Variants in CDH18 observed in about 807,000 individuals in gnomAD.
CDH18 encodes the protein cadherin-18.
A neutral mutation model predicts 67.9 loss-of-function variants in CDH18; 31 were observed. The ratio of observed to expected loss-of-function variants is 0.46; its 90% CI spans 0.34 to 0.62. CDH18 has a LOEUF of 0.62. CDH18 is among the 20% of genes least tolerant of loss of function. The pLI, the probability that CDH18 is intolerant of heterozygous loss-of-function variation, is 0.01. For missense variants in CDH18, 890 were observed against 975.5 expected (o/e 0.91, Z 1.17); for synonymous variants, 362 against 347.2 (o/e 1.04, Z -0.48).
chr5:19,702,920 G>T (rs749625961), intron 5 of CDH18, among the ~76,000 whole-genome samples: 1 of 152,170 alleles, frequency 6.6e-6, no homozygotes, highest in African/African-American at 2.4e-5. Flanking sequence ...TAGCATGAGC[G>T]ATCTGTGCCT....
intron 12 of CDH18, among the ~76,000 whole-genome samples, chr5:19,479,914 C>T (rs1193582529): frequency 1.3e-5 from 2 of 152,018 alleles, no homozygotes; most frequent in South Asian, 2.1e-4. Flanking sequence ...CTATTACTTA[C>T]CCCAAATGAG....
intron 2 of CDH18, among the ~76,000 whole-genome samples, chr5:20,017,799 C>G (rs1024047790): frequency 6.6e-6 from 1 of 152,148 alleles, no homozygotes; most frequent in Non-Finnish European, 1.5e-5. Context: ...TGGATGAAAA[C>G]TTTTCTCTTA....
rs11956496 is a variant in CDH18, at chr5:20,465,537, G to A, written c.-580+109925C>T. Among the ~76,000 whole-genome samples, 489 of 152,068 alleles carry A rather than the reference G, an allele frequency of 3.2e-3. 2 individuals are homozygous for A. Among genetic ancestry groups the A allele is most frequent in the African/African-American group, 0.011 (470 of 41,518 alleles). Reference sequence around the variant, plus strand: ...ATCAAGGTATATTTAAAATTTGTATGTTAAATAACACATATCTGAAATACA... The same window carrying A: ...ATCAAGGTATATTTAAAATTTGTATATTAAATAACACATATCTGAAATACA... On this transcript the variant is annotated intron_variant, in intron 1 of 14. Coordinates refer to the CDH18 transcript ENST00000507958.
At chr5:20,110,706 C>T (rs1392950588) in intron 2 of CDH18, among the ~76,000 whole-genome samples, 1 of 152,010 alleles carries the variant, frequency 6.6e-6, no homozygotes, top group East Asian at 1.9e-4. Flanking sequence ...TGTCAATGAC[C>T]CTTAGTGATT....
chr5:20,425,950 A>C (rs960332438), intron 1 of CDH18, among the ~76,000 whole-genome samples: 5 of 151,226 alleles, frequency 3.3e-5, no homozygotes, highest in African/African-American at 1.2e-4. Flanking sequence ...TTTCTTGTGA[A>C]TAGACTCTAT....
At chr5:20,407,966 A>G (rs1193882180) in intron 1 of CDH18, among the ~76,000 whole-genome samples, 1 of 152,056 alleles carries the variant, frequency 6.6e-6, no homozygotes, top group African/African-American at 2.4e-5. Context: ...TGGCACATCA[A>G]TTAAAGTATC....
intron 1 of CDH18, among the ~76,000 whole-genome samples, chr5:20,321,021 A>T (rs185919524): frequency 1.3e-5 from 2 of 151,940 alleles, no homozygotes; most frequent in East Asian, 3.9e-4. Flanking sequence ...GGAAGTCTCC[A>T]CTTGTATCCT....
intron 2 of CDH18, among the ~76,000 whole-genome samples, chr5:20,096,300 T>C (rs1003261881): frequency 4.6e-5 from 7 of 152,156 alleles, no homozygotes; most frequent in African/African-American, 7.2e-5. Context: ...AGAAACTAAT[T>C]GCCAATTCAT....
intron 10 of CDH18, among the ~76,000 whole-genome samples, chr5:19,512,404 T>C (rs1745268293): frequency 6.6e-6 from 1 of 152,184 alleles, no homozygotes; most frequent in East Asian, 1.9e-4. Flanking sequence ...TTTAGATCTC[T>C]GAGTAATCTA....
chr5:20,001,569 T>C (rs1173976684), intron 2 of CDH18, among the ~76,000 whole-genome samples: 2 of 152,188 alleles, frequency 1.3e-5, no homozygotes, highest in African/African-American at 4.8e-5. Flanking sequence ...ATAAATTCCA[T>C]ATTGCCAGGG....
At chr5:20,389,268 A>C (rs1744604525) in intron 1 of CDH18, among the ~76,000 whole-genome samples, 1 of 152,154 alleles carries the variant, frequency 6.6e-6, no homozygotes, top group South Asian at 2.1e-4. Flanking sequence ...CAGGATAGTT[A>C]GCTCTTCTTG....
In CDH18 at chr5:20,437,470, T is replaced by C. The variant is rs766849720; in HGVS notation, c.-580+137992A>G. On this transcript the variant is annotated intron_variant, in intron 1 of 14. Coordinates refer to the CDH18 transcript ENST00000507958. ...ATGCCTAGAGTAATTAATGTTCTTA[T>C]GCATTGGTAAGGTGACTTTGTACTT... 4.9e-4 allele frequency among the ~76,000 whole-genome samples: 74 copies of C among 151,582 alleles called. 3 individuals carry two copies. The highest frequency in any genetic ancestry group is 1.1e-3 in the Admixed American group (16 of 15,206).
At chr5:20,267,657 T>C (rs1745140923) in intron 1 of CDH18, among the ~76,000 whole-genome samples, 1 of 152,196 alleles carries the variant, frequency 6.6e-6, no homozygotes, top group Admixed American at 6.6e-5. Context: ...TTTTGTTTTG[T>C]AGCTATCGTA....
chr5:19,652,401 A>G (rs1311374550), intron 5 of CDH18, among the ~76,000 whole-genome samples: 1 of 152,166 alleles, frequency 6.6e-6, no homozygotes, highest in Non-Finnish European at 1.5e-5. Flanking sequence ...CTCGATTTCA[A>G]AGGAAAAACA....
At chr5:19,636,103 TTA>T (rs1753109801) in intron 5 of CDH18, among the ~76,000 whole-genome samples, 1 of 152,150 alleles carries the variant, frequency 6.6e-6, no homozygotes, top group Non-Finnish European at 1.5e-5. Flanking sequence ...CCCCTGATAT[TTA>T]TATAGTCTAA....
chr5:19,739,487 C>G (rs1768818772), intron 4 of CDH18, among the ~76,000 whole-genome samples: 1 of 152,252 alleles, frequency 6.6e-6, no homozygotes, highest in South Asian at 2.1e-4. Context: ...TAGATGACTA[C>G]AGCGCAATGT....
At chr5:19,662,216 C>A (rs576830792) in intron 5 of CDH18, among the ~76,000 whole-genome samples, 2 of 150,980 alleles carry the variant, frequency 1.3e-5, no homozygotes, top group African/African-American at 4.9e-5. Context: ...TTTTAAAAAT[C>A]GGTCATTTTA....
At chr5:19,939,491 A>G (rs1422586799) in intron 2 of CDH18, among the ~76,000 whole-genome samples, 1 of 151,734 alleles carries the variant, frequency 6.6e-6, no homozygotes, top group Non-Finnish European at 1.5e-5. Context: ...TGATTTCACC[A>G]CTGCATCACT....
intron 2 of CDH18, among the ~76,000 whole-genome samples, chr5:20,059,566 G>A (rs1742283864): frequency 6.6e-6 from 1 of 152,052 alleles, no homozygotes; most frequent in Non-Finnish European, 1.5e-5. Flanking sequence ...AATTCCTCAA[G>A]GATCTAGAAC....
Sources: allele counts gnomAD v4.1 joint callset (sites outside exome capture counted in the v4.1 genomes callset), GRCh38; gene constraint gnomAD v4.1.1; transcripts MANE v1.5; gene names NCBI Gene and HGNC (gene_info 2026-07-23, HGNC 2026-07-21).